GALK2: variants seen among roughly 807,000 people sequenced by gnomAD.
GALK2 encodes galactokinase 2.
A neutral mutation model predicts 52.4 loss-of-function variants in GALK2; 36 were observed. The observed-to-expected ratio is 0.69, with a 90% confidence interval of 0.53 to 0.91. GALK2 has a LOEUF of 0.91. GALK2 is among the 40% of genes least tolerant of loss of function. GALK2 has a pLI of 0.00. For missense variants in GALK2, 579 were observed against 559.1 expected (o/e 1.04, Z -0.36); for synonymous variants, 176 against 199.1 (o/e 0.88, Z 0.98).
In GALK2 at chr15:49,266,923, C is replaced by T. The variant is rs552662951; in HGVS notation, c.505-15064C>T. 9.3e-4 allele frequency among the ~76,000 whole-genome samples: 141 copies of T among 152,100 alleles called. 5 individuals carry two copies. The South Asian group carries it at 0.028, about 30-fold the overall frequency. The stretch of plus-strand genomic sequence containing the variant: ...CTAGACATCTCACATGGGTCCATTA[C>T]GATGAGTTTTATAACTACTGTATTA... On this transcript the variant is annotated intron_variant, in intron 5 of 9. Transcript: ENST00000560031.
intron 3 of GALK2, among the ~76,000 whole-genome samples, chr15:49,356,485 G>C (rs1436982942): frequency 9.9e-4 from 148 of 148,800 alleles, no homozygotes; most frequent in African/African-American, 3.5e-3. Context: ...AAGAGACAAA[G>C]AAGGCCATTA....
intron 5 of GALK2, among the ~76,000 whole-genome samples, chr15:49,268,938 A>G (rs2029908616): frequency 6.6e-6 from 1 of 152,216 alleles, no homozygotes; most frequent in Non-Finnish European, 1.5e-5. Flanking sequence ...GATAGTGATT[A>G]TGCAACATCA....
chr15:49,337,508 CTTTTTTTT>C (rs33973907), intron 3 of GALK2, among the ~76,000 whole-genome samples: 6 of 36,082 alleles, frequency 1.7e-4, no homozygotes, highest in African/African-American at 7.4e-4. Context: ...CATTTACCCA[CTTTTTTTT>C]TTTTTTTTTT....
intron 3 of GALK2, among the ~76,000 whole-genome samples, chr15:49,228,688 T>TATATATATATGTATATATATATA: frequency 9.6e-5 from 1 of 10,450 alleles, no homozygotes; most frequent in Non-Finnish European, 1.8e-4. Flanking sequence ...TATATATATA[T>TATATATATATGTATATATATATA]TTTTTTTTTT....
chr15:49,251,395 G>GA (rs2091593564), intron 5 of GALK2, among the ~76,000 whole-genome samples: 4 of 152,116 alleles, frequency 2.6e-5, no homozygotes, highest in African/African-American at 9.7e-5. Flanking sequence ...CAAATTAGTA[G>GA]AATTCAGTAT....
chr15:49,212,596 T>G (rs911356979), intron 2 of GALK2, among the ~76,000 whole-genome samples: 33 of 152,318 alleles, frequency 2.2e-4, no homozygotes, highest in African/African-American at 7.7e-4. Context: ...ATCTTTAGGT[T>G]GCTTATTTGA....
chr15:49,239,691 G>C (rs1275792400), intron 5 of GALK2, among the ~76,000 whole-genome samples: 5 of 152,158 alleles, frequency 3.3e-5, no homozygotes, highest in African/African-American at 1.2e-4. Flanking sequence ...GGTTGAGCCT[G>C]CTTATTTTCA....
intron 9 of GALK2, among the ~76,000 whole-genome samples, chr15:49,326,766 T>C (rs2037573139): frequency 6.6e-6 from 1 of 152,142 alleles, no homozygotes; most frequent in Non-Finnish European, 1.5e-5. Flanking sequence ...CTTAAATACC[T>C]ATGTTCATTT....
chr15:49,311,747 G>C (rs1344916884), intron 8 of GALK2, among the ~76,000 whole-genome samples: 1 of 152,240 alleles, frequency 6.6e-6, no homozygotes, highest in Non-Finnish European at 1.5e-5. Context: ...GCTTGTATGA[G>C]TGCCTCTTCT....
At chr15:49,186,282 G>T (rs958921503) in intron 1 of GALK2, among the ~76,000 whole-genome samples, 12 of 151,908 alleles carry the variant, frequency 7.9e-5, no homozygotes, top group Admixed American at 7.2e-4. Flanking sequence ...TAACTTGTCG[G>T]CATGCTATAT....
intron 6 of GALK2, among the ~76,000 whole-genome samples, 187 bp from the exon 7 acceptor site, chr15:49,283,379 G>C (rs958655363): frequency 1.3e-5 from 2 of 152,186 alleles, no homozygotes; most frequent in African/African-American, 4.8e-5. Context: ...TCTATGAGAG[G>C]AATGACAGTG....
rs1039835148 is a variant in GALK2, at chr15:49,328,870, A to ATTCT, written c.*714_*717dup. 17 of 1,336,044 alleles carry ATTCT rather than the reference A, an allele frequency of 1.3e-5. No homozygotes were observed. The highest frequency in any genetic ancestry group is 5.5e-4 in the Middle Eastern group (2 of 3,608). The allele number at this position is 1,336,044 out of a possible 1,614,324, so 82.8% of individuals were successfully genotyped here. ...TGTAATATATAAATAACCACTTTCAATTCTTTTGGCCCTGAGCTATCTCCA... is the reference window on the plus strand; with the variant it reads ...TGTAATATATAAATAACCACTTTCAATTCTTTCTTTTGGCCCTGAGCTATCTCCA... On this transcript the variant is annotated 3_prime_UTR_variant, in exon 10 of 10. Coordinates refer to ENST00000560031, the MANE Select transcript of GALK2 (RefSeq NM_002044.4).
At chr15:49,340,587 C>T (rs980953676) in intron 3 of GALK2, among the ~76,000 whole-genome samples, 9 of 152,066 alleles carry the variant, frequency 5.9e-5, no homozygotes, top group African/African-American at 2.2e-4. Context: ...CAGCAAAGTC[C>T]TTGCCCACTT....
rs945300403 is a variant in GALK2, at chr15:49,255,462, G to A, written c.504+16095G>A. ...TTTATGACACTGACAATTTTGAAGC[G>A]TCCAGGCCAAATTTTTTTGTTCAAA... On this transcript the variant is annotated intron_variant, in intron 5 of 9. Coordinates refer to ENST00000560031, the MANE Select transcript of GALK2 (RefSeq NM_002044.4). 4.9e-5 allele frequency among the ~76,000 whole-genome samples: 7 copies of A among 141,616 alleles called. 2 individuals carry two copies. The highest frequency in any genetic ancestry group is 1.1e-4 in the Non-Finnish European group (7 of 63,316). The allele number at this position is 141,616 out of a possible 152,430, so 92.9% of individuals were successfully genotyped here.
chr15:49,235,007 C>T (rs1037584584), intron 3 of GALK2, among the ~76,000 whole-genome samples: 21 of 152,082 alleles, frequency 1.4e-4, no homozygotes, highest in East Asian at 7.7e-4. Context: ...ACTTGTGATC[C>T]GCCTGCCTTG....
intron 1 of GALK2, among the ~76,000 whole-genome samples, chr15:49,176,789 T>C (rs534059419): frequency 2.0e-5 from 3 of 152,294 alleles, no homozygotes; most frequent in African/African-American, 7.2e-5. Flanking sequence ...GCCTATAGTT[T>C]GCTTTTGAGG....
intron 5 of GALK2, among the ~76,000 whole-genome samples, chr15:49,259,526 T>A (rs1157477873): frequency 1.3e-5 from 2 of 151,706 alleles, no homozygotes; most frequent in African/African-American, 2.4e-5. Flanking sequence ...AACTCATCAT[T>A]TTTTATGGCT....
chr15:49,314,601 C>T (rs1353782318), intron 8 of GALK2, among the ~76,000 whole-genome samples: 1 of 152,116 alleles, frequency 6.6e-6, no homozygotes, highest in Non-Finnish European at 1.5e-5. Flanking sequence ...TTTATTGAAC[C>T]CCTACTAAGT....
At chr15:49,217,653 C>T (rs1410337103) in intron 3 of GALK2, among the ~76,000 whole-genome samples, 1 of 152,166 alleles carries the variant, frequency 6.6e-6, no homozygotes, top group East Asian at 1.9e-4. Flanking sequence ...GTTACTATGG[C>T]ACCTTCTAAG....
Sources: gnomAD v4.1 joint callset for allele counts (sites outside exome capture counted in the v4.1 genomes callset) on GRCh38, gnomAD v4.1.1 for gene constraint, MANE v1.5 for transcripts, NCBI Gene and HGNC (gene_info 2026-07-23, HGNC 2026-07-21) for gene names.